Variants in OPHN1 observed in about 807,000 individuals in gnomAD.
OPHN1 encodes oligophrenin 1.
OPHN1 carries 11 observed loss-of-function variants against 60.7 expected under a neutral mutation model. The ratio of observed to expected loss-of-function variants is 0.18; its 90% CI spans 0.11 to 0.30. The LOEUF (loss-of-function observed/expected upper bound fraction) is 0.30, where lower values mean the gene tolerates loss of function less well. OPHN1 is among the 10% of genes least tolerant of loss of function. The probability of loss-of-function intolerance (pLI) is 1.00; values close to 1 mark genes in which losing one functional copy is unlikely to be tolerated. For synonymous variants in OPHN1, 226 were observed against 222.6 expected (o/e 1.02, Z -0.14); for missense variants, 449 against 611.0 (o/e 0.73, Z 2.80).
At chrX:68,116,026 G>A (rs1175434740) in intron 16 of OPHN1, among the ~76,000 whole-genome samples, 1 of 112,188 alleles carries the variant, frequency 8.9e-6, no homozygotes, top group Non-Finnish European at 1.9e-5. Flanking sequence ...ACATTTTCTG[G>A]TTGACAATTG....
intron 2 of OPHN1, among the ~76,000 whole-genome samples, chrX:68,337,553 C>T (rs960525679): frequency 7.2e-5 from 8 of 110,882 alleles, no homozygotes; most frequent in Non-Finnish European, 1.3e-4. Context: ...ACAAGGTCTA[C>T]GTTGCCCAGG....
intron 5 of OPHN1, among the ~76,000 whole-genome samples, chrX:68,270,175 G>T (rs1287095073): frequency 9.0e-6 from 1 of 111,404 alleles, no homozygotes; most frequent in Admixed American, 9.5e-5. Flanking sequence ...GTGGAAGTCA[G>T]TGTGGCAATT....
intron 15 of OPHN1, among the ~76,000 whole-genome samples, chrX:68,167,765 T>C (rs982609597): frequency 5.5e-5 from 6 of 109,222 alleles, no homozygotes; most frequent in African/African-American, 1.7e-4. Context: ...ATCTGTATAC[T>C]GAAGAGATAT....
intron 3 of OPHN1, among the ~76,000 whole-genome samples, chrX:68,297,679 C>G (rs1275688505): frequency 9.0e-6 from 1 of 111,329 alleles, no homozygotes; most frequent in Non-Finnish European, 1.9e-5. Flanking sequence ...CATTCATTTA[C>G]CAACATTTCA....
At chrX:68,153,085 C>T (rs1177555465) in intron 15 of OPHN1, among the ~76,000 whole-genome samples, 1 of 107,836 alleles carries the variant, frequency 9.3e-6, no homozygotes, top group Non-Finnish European at 1.9e-5. Context: ...GTGGCGGGTA[C>T]CTGTAGTCCC....
chrX:68,369,393 G>A (rs963404697), intron 2 of OPHN1, among the ~76,000 whole-genome samples: 3 of 110,369 alleles, frequency 2.7e-5, no homozygotes, highest in East Asian at 2.9e-4. Context: ...TGATATCCAG[G>A]GTTAACACAT....
rs899745460 is a variant in OPHN1 at position 68,350,232 on chromosome X, C to T, written c.155-51136G>A. On this transcript the variant is annotated intron_variant, in intron 2 of 24. Transcript: ENST00000355520. ...ATATGTACTTTGAAAATATGTACAT[C>T]TATTATGTATCAACAAAATAAATAA... is the stretch of plus-strand genomic sequence containing the variant. 2.7e-5 allele frequency among the ~76,000 whole-genome samples: 3 copies of T among 111,005 alleles called. No individual in the cohort carries two copies. The South Asian group carries it at 1.1e-3, about 42-fold the overall frequency.
chrX:68,315,145 C>T (rs754625616), intron 2 of OPHN1, among the ~76,000 whole-genome samples: 20 of 108,658 alleles, frequency 1.8e-4, no homozygotes, highest in African/African-American at 6.0e-4. Context: ...CCAAGGAGTT[C>T]GAGCCTGCAG....
chrX:68,342,120 C>A lies in OPHN1; in HGVS notation c.155-43024G>T, dbSNP rs187642191. On this transcript the variant is annotated intron_variant, in intron 2 of 24. Transcript: ENST00000355520. ...GAATAGCTGGGACCACAGGTGTGCA[C>A]CACCATGCCCGGCTGATTTTTCTAT... is the stretch of plus-strand genomic sequence containing the variant. 2.0e-3 allele frequency among the ~76,000 whole-genome samples: 213 copies of A among 108,197 alleles called. 1 individual carries two copies. The highest frequency in any genetic ancestry group is 6.6e-3 in the African/African-American group (197 of 29,814). The allele number at this position is 108,197 out of a possible 115,157, so 94.0% of individuals were successfully genotyped here. A position where few individuals can be genotyped will look rare whatever the true frequency, so the allele number is the denominator to read the frequency against.
chrX:68,064,304 C>T, intron 20 of OPHN1, 127 bp from the exon 21 acceptor site: 1 of 593,329 alleles, frequency 1.7e-6, no homozygotes, highest in Admixed American at 2.8e-5. Context: ...GTCACTGTGG[C>T]ACAAACCAAC....
intron 2 of OPHN1, among the ~76,000 whole-genome samples, chrX:68,317,346 A>AGAAAGAAAGAAAGAAG (rs1218688358): frequency 1.9e-5 from 1 of 52,342 alleles, no homozygotes; most frequent in African/African-American, 9.9e-5. Flanking sequence ...GAGGAAAGAA[A>AGAAAGAAAGAAAGAAG]GAAAGAAAGA....
At chrX:68,278,122 T>G (rs139343301) in intron 4 of OPHN1, among the ~76,000 whole-genome samples, 2,441 of 112,201 alleles carry the variant, frequency 0.022, 73 homozygotes, top group African/African-American at 0.075. Context: ...TTAATCACTT[T>G]GGCAACACTG....
At chrX:68,338,199 C>G (rs2078333861) in intron 2 of OPHN1, among the ~76,000 whole-genome samples, 1 of 111,315 alleles carries the variant, frequency 9.0e-6, no homozygotes, top group African/African-American at 3.3e-5. Context: ...GATAGAAAAT[C>G]AATACTTCAG....
intron 20 of OPHN1, among the ~76,000 whole-genome samples, chrX:68,066,258 T>C (rs1233771902): frequency 8.9e-6 from 1 of 112,147 alleles, no homozygotes; most frequent in Non-Finnish European, 1.9e-5. Context: ...CTCAGCTGCA[T>C]GTTCCTATCT....
intron 11 of OPHN1, among the ~76,000 whole-genome samples, chrX:68,198,595 TCTC>T (rs1360006023): frequency 9.0e-6 from 1 of 111,548 alleles, no homozygotes; most frequent in Non-Finnish European, 1.9e-5. Flanking sequence ...AGGTATAAAG[TCTC>T]CTTGCATTCT....
At chrX:68,277,642 C>A (rs1330077290) in intron 4 of OPHN1, among the ~76,000 whole-genome samples, 1 of 110,619 alleles carries the variant, frequency 9.0e-6, no homozygotes, top group East Asian at 2.9e-4. Context: ...ATACAAAAAA[C>A]TAGCCGGGCG....
At chrX:68,199,956 G>A (rs1012326594) in intron 11 of OPHN1, among the ~76,000 whole-genome samples, 1 of 111,881 alleles carries the variant, frequency 8.9e-6, no homozygotes, top group Non-Finnish European at 1.9e-5. Flanking sequence ...AGCTACTCAG[G>A]AGGCTGAGGC....
chrX:68,167,485 T>C (rs1281089298), intron 15 of OPHN1, among the ~76,000 whole-genome samples: 1 of 110,370 alleles, frequency 9.1e-6, no homozygotes, highest in Non-Finnish European at 1.9e-5. Flanking sequence ...AATCCAGCAA[T>C]CAAATTGTTG....
At chrX:68,171,949 A>G (rs1299846948) in intron 15 of OPHN1, among the ~76,000 whole-genome samples, 1 of 111,439 alleles carries the variant, frequency 9.0e-6, no homozygotes, top group Admixed American at 9.6e-5. Context: ...TATAATAAAT[A>G]TAAGACAGAA....
Sources: allele counts gnomAD v4.1 joint callset (sites outside exome capture counted in the v4.1 genomes callset), GRCh38; gene constraint gnomAD v4.1.1; transcripts MANE v1.5; gene names NCBI Gene and HGNC (gene_info 2026-07-23, HGNC 2026-07-21).